The following NHSL1 variants were observed in gnomAD, a reference collection of about 807,000 sequenced individuals.
The protein encoded by NHSL1 is NHS like 1, also known as NHS-like protein 1.
Under a neutral mutation model 95.0 loss-of-function variants are expected in NHSL1, and 48 were observed. The observed-to-expected ratio is 0.51, with a 90% CI of 0.40 to 0.64. The LOEUF (loss-of-function observed/expected upper bound fraction) is 0.64, where lower values mean the gene tolerates loss of function less well. Among genes scored for constraint, NHSL1 ranks in the 30% least tolerant of loss-of-function variants. The pLI is 0.00. For synonymous variants in NHSL1, 783 were observed against 833.9 expected (o/e 0.94, Z 1.05); for missense variants, 1,971 against 2,077.7 (o/e 0.95, Z 1.00).
intron 1 of NHSL1, among the ~76,000 whole-genome samples, chr6:138,632,852 A>C (rs942991174): frequency 6.6e-6 from 1 of 152,194 alleles, no homozygotes; most frequent in African/African-American, 2.4e-5. Flanking sequence ...ACATGTCCTC[A>C]CCAAATATAC....
intron 3 of NHSL1, among the ~76,000 whole-genome samples, chr6:138,469,618 G>C (rs1232343445): frequency 6.6e-6 from 1 of 152,048 alleles, no homozygotes; most frequent in Admixed American, 6.6e-5. Context: ...TCAGCTACTC[G>C]GGAGGCTGAG....
intron 1 of NHSL1, among the ~76,000 whole-genome samples, chr6:138,585,071 T>C (rs1012442872): frequency 2.6e-5 from 4 of 152,158 alleles, no homozygotes; most frequent in Non-Finnish European, 5.9e-5. Context: ...GAAAACTAAG[T>C]GAGAAACGCA....
chr6:138,431,953 C>T lies in NHSL1; in HGVS notation c.2392G>A (p.Gly798Arg), dbSNP rs1775707622. Reference protein sequence around the residue: ...GMQEDPGNPAGGCSTSSGVPT... With the variant: ...GMQEDPGNPARGCSTSSGVPT... Reference sequence around the variant, plus strand: ...ACCCCACTGCTGGTTGAACAGCCCCCTGCCGGGTTCCCCGGATCTTCCTGC... The same window carrying T: ...ACCCCACTGCTGGTTGAACAGCCCCTTGCCGGGTTCCCCGGATCTTCCTGC... The change falls in exon 6 of 8, where the codon GGG (glycine) becomes AGG (arginine). Residue 798 changes from glycine to arginine, a missense_variant. Gly to Arg is a moderately radical substitution (Grantham distance 125, BLOSUM62 -2). Around this residue, in one of 3 missense-constraint regions of NHSL1, gnomAD observed 1,602 missense variants for 1,654.5 expected, o/e 0.97. Coordinates refer to ENST00000343505, the MANE Select transcript of NHSL1 (RefSeq NM_001144060.2). The surrounding 1 kb of genome is among the most constrained non-coding windows in gnomAD (Gnocchi z 4.0). The T allele has an allele frequency of 1.3e-6, 2 of 1,551,638 alleles. No individual in the cohort carries two copies. The highest frequency in any genetic ancestry group is 2.7e-5 in the African/African-American group (2 of 73,070).
intron 1 of NHSL1, among the ~76,000 whole-genome samples, chr6:138,615,517 G>A (rs1250299242): frequency 6.6e-6 from 1 of 152,186 alleles, no homozygotes; most frequent in Non-Finnish European, 1.5e-5. Flanking sequence ...GTCGCCCAGG[G>A]TGGAGTGCAG....
intron 1 of NHSL1, among the ~76,000 whole-genome samples, chr6:138,586,344 C>T (rs1319049253): frequency 6.6e-6 from 1 of 152,138 alleles, no homozygotes; most frequent in African/African-American, 2.4e-5. Context: ...ATCTGCCCAC[C>T]TTGGCCTCCC....
chr6:138,431,797 T>C lies in NHSL1; in HGVS notation c.2548A>G (p.Ser850Gly). Residue 850 changes from serine to glycine, a missense_variant, in exon 6 of 8, where the codon AGT (serine) becomes GGT (glycine). Ser to Gly is a moderately conservative substitution (Grantham distance 56, BLOSUM62 0). Coordinates refer to ENST00000343505, the MANE Select transcript of NHSL1 (RefSeq NM_001144060.2). The surrounding 1 kb of genome is among the most constrained non-coding windows in gnomAD (Gnocchi z 4.0). ...GTATTCGACTGGCTGGAATACCCACTGGATGGAGAAATGACTCTGTGTGAC... is the reference window on the plus strand; with the variant it reads ...GTATTCGACTGGCTGGAATACCCACCGGATGGAGAAATGACTCTGTGTGAC... ...EKSHRVISPS[S>G]GYSSQSNTPT... The C allele has an allele frequency of 6.4e-7, 1 of 1,551,690 alleles. No homozygotes were observed. The highest frequency in any genetic ancestry group is 8.7e-7 in the Non-Finnish European group (1 of 1,146,996).
At chr6:138,581,032 T>C (rs949704154) in intron 1 of NHSL1, among the ~76,000 whole-genome samples, 1 of 152,358 alleles carries the variant, frequency 6.6e-6, no homozygotes, top group South Asian at 2.1e-4. Context: ...GAACTGGATC[T>C]TCCCTAGAAA....
intron 1 of NHSL1, among the ~76,000 whole-genome samples, chr6:138,661,419 C>T (rs58148092): frequency 0.04 from 6,040 of 151,364 alleles, 311 homozygotes; most frequent in African/African-American, 0.12. Context: ...CACTTGAACC[C>T]GGGAAGCGGA....
At chr6:138,616,220 C>T (rs547137932) in intron 1 of NHSL1, among the ~76,000 whole-genome samples, 31 of 152,240 alleles carry the variant, frequency 2.0e-4, no homozygotes, top group Admixed American at 1.2e-3. Flanking sequence ...AGAGACCACA[C>T]GCAGACTATA....
intron 1 of NHSL1, among the ~76,000 whole-genome samples, chr6:138,673,100 C>T (rs1371774675): frequency 1.3e-5 from 2 of 151,992 alleles, no homozygotes; most frequent in African/African-American, 4.8e-5. Context: ...CTCTCTTCTC[C>T]ATTAGCTCAA....
chr6:138,610,360 G>A (rs1291651845), intron 1 of NHSL1, among the ~76,000 whole-genome samples: 1 of 151,878 alleles, frequency 6.6e-6, no homozygotes, highest in Non-Finnish European at 1.5e-5. Flanking sequence ...TGGACACAGG[G>A]TGGGGAACAT....
At chr6:138,508,922 C>A (rs953319249) in intron 1 of NHSL1, among the ~76,000 whole-genome samples, 3 of 152,142 alleles carry the variant, frequency 2.0e-5, no homozygotes, top group Non-Finnish European at 4.4e-5. Flanking sequence ...GTTATACAGC[C>A]CTAATCCATC....
At chr6:138,472,056 C>T (rs1483355467) in intron 3 of NHSL1, among the ~76,000 whole-genome samples, 2 of 151,724 alleles carry the variant, frequency 1.3e-5, no homozygotes, top group Non-Finnish European at 2.9e-5. Context: ...GTGGCGTGTG[C>T]CTGTAATTCC....
At position 138,557,404 on chromosome 6, in the gene NHSL1, C is replaced by T. The variant is rs186565871; in HGVS notation, c.202+14306G>A. ...TACTGTTGCAATACACTGGGTTACCCAGACCCCCCCACACAAGGTAACACA... is the reference window on the plus strand; with the variant it reads ...TACTGTTGCAATACACTGGGTTACCTAGACCCCCCCACACAAGGTAACACA... On this transcript the variant is annotated intron_variant, in intron 1 of 6. Transcript: ENST00000427025. Among the ~76,000 whole-genome samples, 43 of 152,242 alleles carry T rather than the reference C, an allele frequency of 2.8e-4. No homozygotes were observed. The East Asian group carries it at 7.9e-3, about 28-fold the overall frequency.
intron 1 of NHSL1, among the ~76,000 whole-genome samples, chr6:138,525,935 A>T (rs1169116570): frequency 1.3e-5 from 2 of 151,712 alleles, no homozygotes; most frequent in Admixed American, 6.6e-5. Flanking sequence ...CATCTCTACT[A>T]AAAATACAGA....
chr6:138,462,955 G>T (rs1470626452), intron 3 of NHSL1, among the ~76,000 whole-genome samples: 1 of 152,174 alleles, frequency 6.6e-6, no homozygotes, highest in African/African-American at 2.4e-5. Flanking sequence ...GATGAAGAGG[G>T]CAGGGTTAAT....
At chr6:138,434,025 CT>C (rs912559060) in intron 5 of NHSL1, among the ~76,000 whole-genome samples, 3 of 152,164 alleles carry the variant, frequency 2.0e-5, no homozygotes, top group Non-Finnish European at 2.9e-5. Flanking sequence ...TCAAGGTAGC[CT>C]TTCGCCCACT....
intron 1 of NHSL1, among the ~76,000 whole-genome samples, chr6:138,566,255 G>A (rs940519804): frequency 5.8e-4 from 88 of 151,524 alleles, no homozygotes; most frequent in African/African-American, 2.0e-3. Flanking sequence ...AAAATTAGCC[G>A]GGCGTGGTGG....
intron 1 of NHSL1, among the ~76,000 whole-genome samples, chr6:138,670,396 G>A (rs1391307568): frequency 6.6e-6 from 1 of 151,578 alleles, no homozygotes; most frequent in African/African-American, 2.4e-5. Flanking sequence ...GCCGGGCGCG[G>A]TGGCTCACGC....
Sources: gnomAD v4.1 joint callset for allele counts (sites outside exome capture counted in the v4.1 genomes callset) on GRCh38, gnomAD v4.1.1 for gene constraint, gnomAD v4.1.1 regional missense constraint, Gnocchi (gnomAD v3.1) non-coding constraint, MANE v1.5 for transcripts, NCBI Gene and HGNC (gene_info 2026-07-23, HGNC 2026-07-21) for gene names.